Variants in KCNA2 observed in about 807,000 individuals in gnomAD.
The protein encoded by KCNA2 is potassium voltage-gated channel subfamily A member 2, also known as potassium channel, voltage gated shaker related subfamily A, member 2.
Under a neutral mutation model 33.4 loss-of-function variants are expected in KCNA2, and 11 were observed. That is an observed-to-expected ratio of 0.33 (90% CI 0.21 to 0.55). The LOEUF is 0.55. Among genes scored for constraint, KCNA2 ranks in the 20% least tolerant of loss-of-function variants. The pLI is 0.93. For synonymous variants in KCNA2, 222 were observed against 231.3 expected, an observed-to-expected ratio of 0.96 and a Z score of 0.37; for missense variants, 291 against 621.6, an observed-to-expected ratio of 0.47 and a Z score of 5.66.
chr1:110,612,552 C>T lies in KCNA2; in HGVS notation c.-495-6830G>A, dbSNP rs1191031747. ...CTCTCTGATTCCCTCTCCCTCCCCA[C>T]GCCGCCCTGGTTCAAGCCACCAGCA... On this transcript the variant is annotated intron_variant, in intron 1 of 4. Coordinates refer to the KCNA2 transcript ENST00000369770. 2.0e-5 allele frequency among the ~76,000 whole-genome samples: 3 copies of T among 152,132 alleles called. No homozygotes were observed. The East Asian group carries it at 5.8e-4, about 29-fold the overall frequency.
At chr1:110,615,212 CCG>C (rs1650009213) in intron 1 of KCNA2, among the ~76,000 whole-genome samples, 2 of 152,130 alleles carry the variant, frequency 1.3e-5, no homozygotes, top group Admixed American at 1.3e-4. Flanking sequence ...ACAGCAGGGC[CCG>C]CCTGCCACAC....
At chr1:110,629,966 C>A (rs1399908398) in intron 1 of KCNA2, among the ~76,000 whole-genome samples, 1 of 148,960 alleles carries the variant, frequency 6.7e-6, no homozygotes, top group African/African-American at 2.5e-5. Flanking sequence ...TTTTTTAAAT[C>A]AAATGGACTC....
At position 110,604,911 on chromosome 1, in the gene KCNA2, A is replaced by G; in HGVS notation, c.-129T>C. The G allele has an allele frequency of 1.2e-6, 1 of 831,548 alleles. No individual in the cohort carries two copies. The allele number at this position is 831,548 out of a possible 1,614,324, so 51.5% of individuals were successfully genotyped here. A position where few individuals can be genotyped will look rare whatever the true frequency, so the allele number is the denominator to read the frequency against. On this transcript the variant is annotated 5_prime_UTR_variant, in exon 3 of 3. Coordinates refer to ENST00000316361, the MANE Select transcript of KCNA2 (RefSeq NM_004974.4). This position sits in a 1 kb window ranked among gnomAD's most constrained non-coding sequence, Gnocchi z 7.6. The stretch of plus-strand genomic sequence containing the variant: ...TGGTCTCCTGCAGGAGAGCCCCGAG[A>G]GCTCTCTGAGAGCTGGAGAGACAGC...
At position 110,603,086 on chromosome 1, in the gene KCNA2, G is replaced by T; in HGVS notation, c.*197C>A. 7.1e-7 allele frequency: 1 copy of T among 1,415,300 alleles called. No homozygotes were observed. Among genetic ancestry groups the T allele is most frequent in the Non-Finnish European group, 9.2e-7 (1 of 1,092,458 alleles). The allele number at this position is 1,415,300 out of a possible 1,614,324, so 87.7% of individuals were successfully genotyped here. A position where few individuals can be genotyped will look rare whatever the true frequency, so the allele number is the denominator to read the frequency against. ...CGTCTTTGGAAGTTCATAAGCCGGTGATGAGGATGTGCATGAAAGCCATGA... is the reference window on the plus strand; with the variant it reads ...CGTCTTTGGAAGTTCATAAGCCGGTTATGAGGATGTGCATGAAAGCCATGA... On this transcript the variant is annotated 3_prime_UTR_variant, in exon 3 of 3. Transcript: ENST00000316361. The surrounding 1 kb of genome is among the most constrained non-coding windows in gnomAD (Gnocchi z 5.7).
Position 110,595,688 on chromosome 1 carries a change from A to G in KCNA2, c.*7595T>C, listed in dbSNP as rs905075333. ...TGAGTGATGTGTACAGCTTACCCCC[A>G]AAGAGGCAACTGAATTTCAGCTGCT... On this transcript the variant is annotated 3_prime_UTR_variant, in exon 3 of 3. Coordinates refer to ENST00000316361, the MANE Select transcript of KCNA2 (RefSeq NM_004974.4). 13 of 985,424 alleles carry G rather than the reference A, an allele frequency of 1.3e-5. No homozygotes were observed. The Admixed American group carries it at 8.0e-4, about 61-fold the overall frequency. The allele number at this position is 985,424 out of a possible 1,614,324, so 61.0% of individuals were successfully genotyped here. A position where few individuals can be genotyped will look rare whatever the true frequency, so the allele number is the denominator to read the frequency against.
At position 110,600,899 on chromosome 1, in the gene KCNA2, A is replaced by G; in HGVS notation, c.*2384T>C. 1.0e-6 allele frequency: 1 copy of G among 985,418 alleles called. No individual in the cohort carries two copies. Among genetic ancestry groups the G allele is most frequent in the Non-Finnish European group, 1.2e-6 (1 of 829,972 alleles). The allele number at this position is 985,418 out of a possible 1,614,324, so 61.0% of individuals were successfully genotyped here. A position where few individuals can be genotyped will look rare whatever the true frequency, so the allele number is the denominator to read the frequency against. On this transcript the variant is annotated 3_prime_UTR_variant, in exon 3 of 3. Coordinates refer to ENST00000316361, the MANE Select transcript of KCNA2 (RefSeq NM_004974.4). Reference sequence around the variant, plus strand: ...AGCTGGTGCCCCATGCCCCAAGACAACTGTAGGTGCTAACTAGGCAGCAGT... The same window carrying G: ...AGCTGGTGCCCCATGCCCCAAGACAGCTGTAGGTGCTAACTAGGCAGCAGT...
rs908033639 is a variant in KCNA2, at chr1:110,605,484, G to C, written c.-257C>G. 6.6e-6 allele frequency: 1 copy of C among 152,458 alleles called. No homozygotes were observed. Among genetic ancestry groups the C allele is most frequent in the Non-Finnish European group, 1.5e-5 (1 of 68,242 alleles). The allele number at this position is 152,458 out of a possible 1,614,324, so 9.4% of individuals were successfully genotyped here. On this transcript the variant is annotated 5_prime_UTR_variant, in exon 2 of 3. Coordinates refer to ENST00000316361, the MANE Select transcript of KCNA2 (RefSeq NM_004974.4). ...AACAGGCAGCCCAACTCCTCATCAC[G>C]TCTTCTCACTCGAGCTAGAAATAAT... is the stretch of plus-strand genomic sequence containing the variant.
At position 110,604,888 on chromosome 1, in the gene KCNA2, G is replaced by C; in HGVS notation, c.-106C>G. On this transcript the variant is annotated 5_prime_UTR_variant, in exon 3 of 3. Transcript: ENST00000316361. This position sits in a 1 kb window ranked among gnomAD's most constrained non-coding sequence, Gnocchi z 7.6. ...CAGGAAGCACAGGAGCATTGGCCTG[G>C]TCTCCTGCAGGAGAGCCCCGAGAGC... 8 of 1,071,462 alleles carry C rather than the reference G, an allele frequency of 7.5e-6. No homozygotes were observed. The highest frequency in any genetic ancestry group is 1.6e-5 in the African/African-American group (1 of 63,206). 66.4% of individuals were successfully genotyped at this position (1,071,462 alleles called of 1,614,324 possible).
chr1:110,631,116 A>G (rs534985357), intron 1 of KCNA2, among the ~76,000 whole-genome samples: 2 of 152,156 alleles, frequency 1.3e-5, no homozygotes, highest in African/African-American at 4.8e-5. Context: ...GAGTCACTTC[A>G]CACCTGCAAG....
chr1:110,595,721 C>A lies in KCNA2; in HGVS notation c.*7562G>T, dbSNP rs1034972434. The stretch of plus-strand genomic sequence containing the variant: ...AACTGAATTTCAGCTGCTCTAATAC[C>A]CACACCCTCAACTTAGGTTTAGTCA... On this transcript the variant is annotated 3_prime_UTR_variant, in exon 3 of 3. Coordinates refer to ENST00000316361, the MANE Select transcript of KCNA2 (RefSeq NM_004974.4). 1.0e-6 allele frequency: 1 copy of A among 985,246 alleles called. No individual in the cohort carries two copies. Among genetic ancestry groups the A allele is most frequent in the Non-Finnish European group, 1.2e-6 (1 of 829,924 alleles). 61.0% of individuals were successfully genotyped at this position (985,246 alleles called of 1,614,324 possible).
Position 110,597,784 on chromosome 1 carries a change from G to GTCACTATTTATTTTATTGCA in KCNA2, c.*5479_*5498dup, listed in dbSNP as rs1168229201. The GTCACTATTTATTTTATTGCA allele has an allele frequency of 1.6e-5, 16 of 985,078 alleles. No homozygotes were observed. Among genetic ancestry groups the GTCACTATTTATTTTATTGCA allele is most frequent in the Non-Finnish European group, 1.9e-5 (16 of 829,754 alleles). 61.0% of individuals were successfully genotyped at this position (985,078 alleles called of 1,614,324 possible). On this transcript the variant is annotated 3_prime_UTR_variant, in exon 3 of 3. Transcript: ENST00000316361. ...GAAAGAGCTATTGCTAAAGAAAACAGTCACTATTTATTTTATTGCACTTTT... is the reference window on the plus strand; with the variant it reads ...GAAAGAGCTATTGCTAAAGAAAACAGTCACTATTTATTTTATTGCATCACTATTTATTTTATTGCACTTTT...
At chr1:110,618,088 T>A (rs1650128029) in intron 1 of KCNA2, among the ~76,000 whole-genome samples, 1 of 152,142 alleles carries the variant, frequency 6.6e-6, no homozygotes, top group African/African-American at 2.4e-5. Context: ...ATGCCTGTAA[T>A]CCCAGCATTT....
At chr1:110,611,719 C>T (rs949194672) in intron 1 of KCNA2, among the ~76,000 whole-genome samples, 2 of 137,378 alleles carry the variant, frequency 1.5e-5, no homozygotes, top group African/African-American at 5.7e-5. Context: ...GAGCAAGATC[C>T]TGTCTTGAAA....
At chr1:110,629,681 T>C (rs976128903) in intron 1 of KCNA2, among the ~76,000 whole-genome samples, 16 of 152,232 alleles carry the variant, frequency 1.1e-4, no homozygotes, top group African/African-American at 3.9e-4. Context: ...ATCTGGTGTC[T>C]GACCCTCGGT....
chr1:110,611,146 TGGAGAA>T (rs1649858931), upstream of KCNA2, among the ~76,000 whole-genome samples: 1 of 152,108 alleles, frequency 6.6e-6, no homozygotes, highest in Non-Finnish European at 1.5e-5. Context: ...TGGAGGTGCA[TGGAGAA>T]GCAAAGCCTG....
intron 1 of KCNA2, among the ~76,000 whole-genome samples, chr1:110,629,062 A>G (rs1451539271): frequency 6.6e-6 from 1 of 152,192 alleles, no homozygotes; most frequent in East Asian, 1.9e-4. Context: ...TAGATCCCTG[A>G]GGATCTTCAA....
Position 110,602,785 on chromosome 1 carries a change from C to A in KCNA2, c.*498G>T, listed in dbSNP as rs961047177. 1 of 992,528 alleles carries A rather than the reference C, an allele frequency of 1.0e-6. No individual in the cohort carries two copies. Among genetic ancestry groups the A allele is most frequent in the African/African-American group, 1.7e-5 (1 of 57,342 alleles). The allele number at this position is 992,528 out of a possible 1,614,324, so 61.5% of individuals were successfully genotyped here. A position where few individuals can be genotyped will look rare whatever the true frequency, so the allele number is the denominator to read the frequency against. ...CCAGCCTGTGACACAGAAAGTAATTCCAACACACAGGACTGTGTGTTCTTT... is the reference window on the plus strand; with the variant it reads ...CCAGCCTGTGACACAGAAAGTAATTACAACACACAGGACTGTGTGTTCTTT... On this transcript the variant is annotated 3_prime_UTR_variant, in exon 3 of 3. Transcript: ENST00000316361.
rs1210670500 is a variant in KCNA2 at position 110,602,363 on chromosome 1, T to C, written c.*920A>G. ...TGTAGGCTACTAGGAAAATAGGTTA[T>C]CTCCTGTGTTTTAAATATTGAGATT... On this transcript the variant is annotated 3_prime_UTR_variant, in exon 3 of 3. Transcript: ENST00000316361. The C allele has an allele frequency of 1.4e-6, 2 of 1,410,384 alleles. No individual in the cohort carries two copies. The highest frequency in any genetic ancestry group is 1.8e-6 in the Non-Finnish European group (2 of 1,087,446). 87.4% of individuals were successfully genotyped at this position (1,410,384 alleles called of 1,614,324 possible).
intron 1 of KCNA2, among the ~76,000 whole-genome samples, chr1:110,620,445 C>T (rs1650225146): frequency 6.6e-6 from 1 of 152,196 alleles, no homozygotes. Context: ...CCAGGCATGG[C>T]TGCCCATCGT....
Sources: gnomAD v4.1 joint callset for allele counts (sites outside exome capture counted in the v4.1 genomes callset) on GRCh38, gnomAD v4.1.1 for gene constraint, Gnocchi (gnomAD v3.1) non-coding constraint, MANE v1.5 for transcripts, NCBI Gene and HGNC (gene_info 2026-07-23, HGNC 2026-07-21) for gene names.